AGMO: variants seen among roughly 807,000 people sequenced by gnomAD.
The protein encoded by AGMO is alkylglycerol monooxygenase.
A neutral mutation model predicts 60.2 loss-of-function variants in AGMO; 75 were observed. That is an observed-to-expected ratio of 1.25 (90% confidence interval 1.03 to 1.51). The LOEUF is 1.51. AGMO is among the 40% of genes most tolerant of loss of function. The probability of loss-of-function intolerance (pLI) is 0.00; values close to 1 mark genes in which losing one functional copy is unlikely to be tolerated. For synonymous variants in AGMO, 261 were observed against 177.1 expected, an observed-to-expected ratio of 1.47 and a Z score of -3.76; for missense variants, 763 against 525.5, an observed-to-expected ratio of 1.45 and a Z score of -4.42.
intron 10 of AGMO, among the ~76,000 whole-genome samples, chr7:15,373,606 C>A (rs1396730704): frequency 1.3e-5 from 2 of 152,206 alleles, no homozygotes; most frequent in East Asian, 1.9e-4. Context: ...TCAATACAAC[C>A]TCCTCTCACA....
chr7:15,456,224 A>G (rs1781994984), intron 3 of AGMO, among the ~76,000 whole-genome samples: 1 of 152,074 alleles, frequency 6.6e-6, no homozygotes, highest in South Asian at 2.1e-4. Flanking sequence ...TTTTTGTTAG[A>G]TATAACATCC....
At chr7:15,346,890 A>C (rs114891941) in intron 12 of AGMO, among the ~76,000 whole-genome samples, 1 of 150,664 alleles carries the variant, frequency 6.6e-6, no homozygotes, top group Non-Finnish European at 1.5e-5. Flanking sequence ...TTTATATTTT[A>C]TGTATATTTA....
chr7:15,451,057 T>C (rs4367434), intron 3 of AGMO, among the ~76,000 whole-genome samples: 94,923 of 151,726 alleles, frequency 0.63, 30,295 homozygotes, highest in Non-Finnish European at 0.69. Flanking sequence ...TCACATTTTA[T>C]TATATGAAAA....
chr7:15,555,689 A>G lies in AGMO; in HGVS notation c.257+4452T>C, dbSNP rs147564794. ...AAGAAATGAATTTGATACATTATTT[A>G]CTTTGCAGGAAATGTATTACTCAAT... On this transcript the variant is annotated intron_variant, in intron 2 of 12. Coordinates refer to ENST00000342526, the MANE Select transcript of AGMO (RefSeq NM_001004320.2). Among the ~76,000 whole-genome samples the G allele has an allele frequency of 2.1e-3, 315 of 152,162 alleles. 1 individual carries two copies. Among genetic ancestry groups the G allele is most frequent in the African/African-American group, 6.8e-3 (281 of 41,560 alleles).
At chr7:15,395,105 T>A (rs1404381550) in intron 5 of AGMO, among the ~76,000 whole-genome samples, 3 of 152,224 alleles carry the variant, frequency 2.0e-5, no homozygotes, top group African/African-American at 7.2e-5. Context: ...ATATTTTACT[T>A]TTCTTTATTC....
intron 2 of AGMO, among the ~76,000 whole-genome samples, chr7:15,549,905 C>G (rs1227245344): frequency 2.0e-5 from 3 of 150,994 alleles, no homozygotes; most frequent in Non-Finnish European, 4.5e-5. Context: ...AAATTGACCA[C>G]ATACTGGGAA....
chr7:15,317,965 T>TAC (rs1491057768), intron 12 of AGMO, among the ~76,000 whole-genome samples: 2 of 138,276 alleles, frequency 1.4e-5, no homozygotes, highest in African/African-American at 5.3e-5. Context: ...TATATATATA[T>TAC]ATACACACAC....
chr7:15,474,739 C>T (rs892074134), intron 3 of AGMO, among the ~76,000 whole-genome samples: 1 of 152,132 alleles, frequency 6.6e-6, no homozygotes, highest in Non-Finnish European at 1.5e-5. Flanking sequence ...GCAAAAGAAA[C>T]TGTCATCAGA....
the AGMO span, among the ~76,000 whole-genome samples, chr7:15,130,393 C>T: frequency 0.028 from 4,207 of 151,566 alleles, 184 homozygotes; most frequent in African/African-American, 0.093. Flanking sequence ...AATAATTTTC[C>T]AGAACAAGAC....
At chr7:15,207,112 G>A (rs925032936) in intron 12 of AGMO, among the ~76,000 whole-genome samples, 1 of 152,108 alleles carries the variant, frequency 6.6e-6, no homozygotes, top group Non-Finnish European at 1.5e-5. Flanking sequence ...CAACTATCAC[G>A]ATAACATTTG....
At chr7:15,471,642 A>T (rs1278739864) in intron 3 of AGMO, among the ~76,000 whole-genome samples, 2 of 151,892 alleles carry the variant, frequency 1.3e-5, no homozygotes, top group Non-Finnish European at 2.9e-5. Flanking sequence ...GAGGTGATGG[A>T]TGAGGAACAT....
Position 15,400,156 on chromosome 7 carries a change from CA to C in AGMO, c.610-5978del, listed in dbSNP as rs368266264. Among the ~76,000 whole-genome samples, 3 of 152,308 alleles carry C rather than the reference CA, an allele frequency of 2.0e-5. No homozygotes were observed. The East Asian group carries it at 5.8e-4, about 29-fold the overall frequency. On this transcript the variant is annotated intron_variant, in intron 5 of 12. Transcript: ENST00000342526. ...TCTGTGTCTCTCAGGTCACATACAA[CA>C]TTGCTTACACATCGTGATTGTTTGA... is the stretch of plus-strand genomic sequence containing the variant.
chr7:15,121,026 T>A, the AGMO span, among the ~76,000 whole-genome samples: 9 of 152,180 alleles, frequency 5.9e-5, no homozygotes, highest in African/African-American at 1.9e-4. Flanking sequence ...CCTGAGTCCA[T>A]GTGTTCTCAT....
intron 3 of AGMO, among the ~76,000 whole-genome samples, chr7:15,502,073 C>T (rs1376442778): frequency 6.6e-6 from 1 of 152,028 alleles, no homozygotes; most frequent in East Asian, 1.9e-4. Context: ...GACAATTATC[C>T]TGTTAATCCA....
At chr7:15,391,857 G>T (rs970336873) in intron 6 of AGMO, among the ~76,000 whole-genome samples, 1 of 152,062 alleles carries the variant, frequency 6.6e-6, no homozygotes. Flanking sequence ...ACATCTAATG[G>T]GTGGGGGCCA....
At chr7:15,464,044 T>C (rs767563288) in intron 3 of AGMO, among the ~76,000 whole-genome samples, 4 of 152,318 alleles carry the variant, frequency 2.6e-5, no homozygotes, top group Admixed American at 6.5e-5. Context: ...AATAATATTC[T>C]CTAGTAATAG....
rs113120600 is a variant in AGMO, at chr7:15,271,839, T to C, written c.1264-70480A>G. ...GGCTCTTATTCTTTCGAGATATTTTTCTTCAATGACTGGTTTGTGGAGGGT... is the reference window on the plus strand; with the variant it reads ...GGCTCTTATTCTTTCGAGATATTTTCCTTCAATGACTGGTTTGTGGAGGGT... On this transcript the variant is annotated intron_variant, in intron 12 of 12. Transcript: ENST00000342526. Among the ~76,000 whole-genome samples the C allele has an allele frequency of 8.5e-5, 13 of 152,300 alleles. 1 individual carries two copies. Among genetic ancestry groups the C allele is most frequent in the African/African-American group, 3.1e-4 (13 of 41,578 alleles).
rs575102969 is a variant in AGMO at position 15,434,977 on chromosome 7, T to C, written c.410-3869A>G. ...CATACAGTATTTTTAGCCTTTTGAG[T>C]CTGTTGTCTTTTTTCATTTAGCATA... On this transcript the variant is annotated intron_variant, in intron 3 of 12. Transcript: ENST00000342526. 2.0e-5 allele frequency among the ~76,000 whole-genome samples: 3 copies of C among 151,960 alleles called. No individual in the cohort carries two copies. The East Asian group carries it at 5.8e-4, about 29-fold the overall frequency.
At chr7:15,408,969 AAAG>A (rs1784771511) in intron 5 of AGMO, among the ~76,000 whole-genome samples, 1 of 151,120 alleles carries the variant, frequency 6.6e-6, no homozygotes, top group African/African-American at 2.4e-5. Context: ...GAAAATATGA[AAAG>A]AAGAGAAAAT....
Sources: allele counts gnomAD v4.1 joint callset (sites outside exome capture counted in the v4.1 genomes callset), GRCh38; gene constraint gnomAD v4.1.1; transcripts MANE v1.5; gene names NCBI Gene and HGNC (gene_info 2026-07-23, HGNC 2026-07-21).